ANTXR1: variants seen among roughly 807,000 people sequenced by gnomAD.
ANTXR1 encodes the protein ANTXR cell adhesion molecule 1, also known as anthrax toxin receptor 1.
Under a neutral mutation model 78.1 loss-of-function variants are expected in ANTXR1, and 19 were observed. That is an observed-to-expected ratio of 0.24 (90% CI 0.17 to 0.36). The LOEUF is 0.36. ANTXR1 is among the 10% of genes least tolerant of loss of function. ANTXR1 has a pLI of 1.00. For missense variants in ANTXR1, 518 were observed against 718.6 expected, an observed-to-expected ratio of 0.72 and a Z score of 3.19; for synonymous variants, 273 against 260.5, an observed-to-expected ratio of 1.05 and a Z score of -0.46.
chr2:69,013,526 C>T lies in ANTXR1; in HGVS notation c.27C>T (p.Leu9=), dbSNP rs1159249235. 1 of 1,587,396 alleles carries T rather than the reference C, an allele frequency of 6.3e-7. No homozygotes were observed. Among genetic ancestry groups the T allele is most frequent in the African/African-American group, 1.3e-5 (1 of 74,936 alleles). Residue 9 remains leucine (L), a synonymous_variant, in exon 1 of 18, where the codon CTC becomes CTT. Transcript: ENST00000303714. This position sits in a 1 kb window ranked among gnomAD's most constrained non-coding sequence, Gnocchi z 5.0. MATAERRA[L]GIGFQWLSLA... ...TGGCCACGGCGGAGCGGAGAGCCCT[C>T]GGCATCGGCTTCCAGTGGCTCTCTT...
intron 1 of ANTXR1, among the ~76,000 whole-genome samples, chr2:69,035,276 G>T (rs1307943991): frequency 6.6e-6 from 1 of 152,132 alleles, no homozygotes; most frequent in East Asian, 1.9e-4. Context: ...TAAGCCTCCT[G>T]CCACTGGGGC....
chr2:69,119,559 G>C (rs1672276763), intron 10 of ANTXR1, among the ~76,000 whole-genome samples: 1 of 152,226 alleles, frequency 6.6e-6, no homozygotes, highest in Non-Finnish European at 1.5e-5. Context: ...GAGTAATGCA[G>C]AGTTCATTTC....
At chr2:69,074,948 A>G (rs1670684278) in intron 6 of ANTXR1, among the ~76,000 whole-genome samples, 2 of 152,208 alleles carry the variant, frequency 1.3e-5, no homozygotes, top group Admixed American at 1.3e-4. Flanking sequence ...AAATCTGGGT[A>G]TTATTCATTA....
chr2:69,143,294 G>A (rs1284352175), intron 12 of ANTXR1, among the ~76,000 whole-genome samples: 2 of 152,200 alleles, frequency 1.3e-5, no homozygotes, highest in African/African-American at 4.8e-5. Flanking sequence ...TTAGATCAGA[G>A]GATCAGGATA....
At chr2:69,088,566 T>A (rs1671127982) in intron 8 of ANTXR1, among the ~76,000 whole-genome samples, 1 of 152,028 alleles carries the variant, frequency 6.6e-6, no homozygotes, top group Non-Finnish European at 1.5e-5. Context: ...CTTCCTCCCT[T>A]GGTCATGGCA....
intron 17 of ANTXR1, among the ~76,000 whole-genome samples, chr2:69,230,982 A>G (rs1042592692): frequency 9.2e-5 from 14 of 152,014 alleles, no homozygotes; most frequent in African/African-American, 3.4e-4. Context: ...CGTAGACTCC[A>G]GTGTCTGTTG....
At chr2:69,225,176 C>T (rs974308530) in intron 17 of ANTXR1, among the ~76,000 whole-genome samples, 2 of 152,196 alleles carry the variant, frequency 1.3e-5, no homozygotes, top group African/African-American at 4.8e-5. Flanking sequence ...GCACCCTTTC[C>T]CTGGCCTCAA....
intron 12 of ANTXR1, among the ~76,000 whole-genome samples, chr2:69,137,324 C>T (rs1197763041): frequency 6.6e-6 from 1 of 152,060 alleles, no homozygotes; most frequent in East Asian, 1.9e-4. Context: ...TATCAGAAAA[C>T]CAAGCTTACA....
intron 1 of ANTXR1, among the ~76,000 whole-genome samples, chr2:69,037,767 C>T (rs548677302): frequency 6.6e-6 from 1 of 152,214 alleles, no homozygotes; most frequent in South Asian, 2.1e-4. Context: ...ACTGCGTCCA[C>T]TGACCTGAGT....
chr2:69,135,849 A>C (rs1387010345), intron 12 of ANTXR1, among the ~76,000 whole-genome samples: 1 of 152,170 alleles, frequency 6.6e-6, no homozygotes, highest in Non-Finnish European at 1.5e-5. Context: ...ATAAAATATA[A>C]ATGAAGAATT....
At chr2:69,156,851 C>T (rs1466063539) in intron 13 of ANTXR1, among the ~76,000 whole-genome samples, 3 of 152,240 alleles carry the variant, frequency 2.0e-5, no homozygotes, top group African/African-American at 7.2e-5. Flanking sequence ...AGCCAATCAC[C>T]TCCCACTAGG....
intron 17 of ANTXR1, among the ~76,000 whole-genome samples, chr2:69,243,033 G>C (rs896680475): frequency 6.6e-6 from 1 of 152,188 alleles, no homozygotes; most frequent in African/African-American, 2.4e-5. Context: ...CTTAGCACCT[G>C]GTTTAATCAC....
chr2:69,019,036 A>C (rs980891361), intron 1 of ANTXR1, among the ~76,000 whole-genome samples: 2 of 152,242 alleles, frequency 1.3e-5, no homozygotes. Flanking sequence ...AGGTGTGTTC[A>C]GGACATTTTA....
chr2:69,200,867 A>G (rs1295343949), intron 17 of ANTXR1, among the ~76,000 whole-genome samples: 1 of 152,188 alleles, frequency 6.6e-6, no homozygotes, highest in Non-Finnish European at 1.5e-5. Context: ...GATGATCTCC[A>G]TTTTAAAGAA....
intron 1 of ANTXR1, among the ~76,000 whole-genome samples, chr2:69,029,015 G>A (rs572340669): frequency 2.7e-5 from 4 of 150,574 alleles, no homozygotes; most frequent in African/African-American, 7.4e-5. Context: ...TCAGGAGTTC[G>A]AGACCAGCCT....
chr2:69,092,547 C>T (rs182054761), intron 9 of ANTXR1, among the ~76,000 whole-genome samples: 1 of 152,264 alleles, frequency 6.6e-6, no homozygotes, highest in Non-Finnish European at 1.5e-5. Flanking sequence ...GTGCTAATTT[C>T]CCAAAGAAAG....
At chr2:69,139,546 G>A (rs577134476) in intron 12 of ANTXR1, among the ~76,000 whole-genome samples, 4 of 152,304 alleles carry the variant, frequency 2.6e-5, no homozygotes, top group African/African-American at 9.6e-5. Flanking sequence ...ACAGTTTAAT[G>A]ACATTGCTTT....
At chr2:69,053,290 A>G (rs770626607) in intron 3 of ANTXR1, among the ~76,000 whole-genome samples, 7 of 152,212 alleles carry the variant, frequency 4.6e-5, no homozygotes, top group Non-Finnish European at 8.8e-5. Context: ...GAAAACATTT[A>G]TATGTAGCAT....
chr2:69,114,829 A>G (rs1028853476), intron 10 of ANTXR1, among the ~76,000 whole-genome samples: 1 of 152,176 alleles, frequency 6.6e-6, no homozygotes, highest in African/African-American at 2.4e-5. Context: ...TACTCCAACC[A>G]GGACTGGTCT....
Sources: allele counts gnomAD v4.1 joint callset (sites outside exome capture counted in the v4.1 genomes callset), GRCh38; gene constraint gnomAD v4.1.1; non-coding constraint Gnocchi (gnomAD v3.1); transcripts MANE v1.5; gene names NCBI Gene and HGNC (gene_info 2026-07-23, HGNC 2026-07-21).